Variants in HIF1A observed in about 807,000 individuals in gnomAD.
HIF1A encodes hypoxia inducible factor 1 subunit alpha, also known as hypoxia-inducible factor 1-alpha.
HIF1A carries 24 observed loss-of-function variants against 92.7 expected under a neutral mutation model. The ratio of observed to expected loss-of-function variants is 0.26; its 90% CI spans 0.19 to 0.36. HIF1A has a LOEUF of 0.36. Among genes scored for constraint, HIF1A ranks in the 10% least tolerant of loss-of-function variants. The pLI is 1.00. For missense variants in HIF1A, 799 were observed against 998.5 expected (o/e 0.80, Z 2.69); for synonymous variants, 319 against 338.7 (o/e 0.94, Z 0.64).
Position 61,745,767 on chromosome 14 carries a change from C to G in HIF1A, c.2279C>G (p.Ser760Cys). The part of the protein sequence containing the change: ...LSWKRVKGCK[S>C]SEQNGMEQKT... ...TGGAAACGTGTAAAAGGATGCAAAT[C>G]TAGTGAACAGAATGGAATGGAGCAA... The change falls in exon 14 of 15, where the codon TCT becomes TGT. Residue 760 changes from serine to cysteine, a missense_variant. This residue lies in a region of HIF1A where 283 missense variants were observed against 277.5 expected (regional missense o/e 1.02). Transcript: ENST00000337138. 6.2e-7 allele frequency: 1 copy of G among 1,611,874 alleles called. No homozygotes were observed. The highest frequency in any genetic ancestry group is 8.5e-7 in the Non-Finnish European group (1 of 1,177,990).
chr14:61,745,057 T>C (rs1475882648), intron 13 of HIF1A, among the ~76,000 whole-genome samples: 1 of 152,162 alleles, frequency 6.6e-6, no homozygotes, highest in African/African-American at 2.4e-5. Context: ...AAAAGTGAAG[T>C]TCTCCCCTTA....
chr14:61,747,122 G>T lies in HIF1A; in HGVS notation c.*37G>T. The T allele has an allele frequency of 1.3e-6, 2 of 1,572,926 alleles. No individual in the cohort carries two copies. Among genetic ancestry groups the T allele is most frequent in the Non-Finnish European group, 1.7e-6 (2 of 1,157,666 alleles). On this transcript the variant is annotated 3_prime_UTR_variant, in exon 15 of 15. Transcript: ENST00000337138. ...ATTTCATTCCTTTTTTTGGACACTG[G>T]TGGCTCATTACCTAAAGCAGTCTAT... is the stretch of plus-strand genomic sequence containing the variant.
At chr14:61,734,368 GA>G (rs1488032939) in intron 8 of HIF1A, 83 bp downstream of exon 8, 2 of 907,228 alleles carry the variant, frequency 2.2e-6, no homozygotes, top group African/African-American at 1.7e-5. Context: ...AGGAAGATAA[GA>G]TAATAAATAT....
rs1435265749 is a variant in HIF1A, at chr14:61,726,707, C to T, written c.459C>T (p.Gly153=). The stretch of plus-strand genomic sequence containing the variant: ...AACTTTATTTCATGCTTTCATTAGG[C>T]CTTGTGAAAAAGGGTAAAGAACAAA... The part of the protein sequence containing the change: ...EMREMLTHRN[G]LVKKGKEQNT... The change falls in exon 5 of 15, where the codon GGC becomes GGT. Residue 153 remains glycine (G), a splice_region_variant and synonymous_variant. Transcript: ENST00000337138. 1.3e-6 allele frequency: 2 copies of T among 1,576,000 alleles called. No individual in the cohort carries two copies. Among genetic ancestry groups the T allele is most frequent in the Non-Finnish European group, 1.7e-6 (2 of 1,159,142 alleles).
Position 61,727,512 on chromosome 14 carries a change from T to G in HIF1A, c.630T>G (p.Cys210Trp), listed in dbSNP as rs1566570665. The G allele has an allele frequency of 1.2e-6, 2 of 1,613,990 alleles. No individual in the cohort carries two copies. The highest frequency in any genetic ancestry group is 1.7e-6 in the Non-Finnish European group (2 of 1,179,918). The stretch of plus-strand genomic sequence containing the variant: ...ATACCAACAGTAACCAACCTCAGTG[T>G]GGGTATAAGAAACCACCTATGACCT... ...VYDTNSNQPQCGYKKPPMTCL... is the reference protein window; with the variant it reads ...VYDTNSNQPQWGYKKPPMTCL... The change falls in exon 6 of 15, where the codon TGT becomes TGG. Residue 210 changes from cysteine (C) to tryptophan (W), a missense_variant. Physicochemically the swap from Cys to Trp is radical, Grantham distance 215 (BLOSUM62 -2). This residue lies in a region of HIF1A where 516 missense variants were observed against 721.0 expected (regional missense o/e 0.72). Coordinates refer to ENST00000337138, the MANE Select transcript of HIF1A (RefSeq NM_001530.4).
chr14:61,723,892 TC>T (rs1005719078), intron 4 of HIF1A, among the ~76,000 whole-genome samples: 3 of 152,218 alleles, frequency 2.0e-5, no homozygotes, highest in Non-Finnish European at 4.4e-5. Flanking sequence ...TTATTGATGT[TC>T]CATTGGGAAA....
In HIF1A at chr14:61,695,756, C is replaced by CATTAAAA; in HGVS notation, c.-49_-48insATTAAAA. 1 of 1,562,090 alleles carries CATTAAAA rather than the reference C, an allele frequency of 6.4e-7. No individual in the cohort carries two copies. The highest frequency in any genetic ancestry group is 1.9e-5 in the Admixed American group (1 of 51,598). On this transcript the variant is annotated 5_prime_UTR_variant, in exon 1 of 15. Transcript: ENST00000337138. The stretch of plus-strand genomic sequence containing the variant: ...GAGGGAGCCAGCGCTTAGGCCGGAG[C>CATTAAAA]GAGCCTGGGGGCCGCCCGCCGTGAA...
intron 1 of HIF1A, among the ~76,000 whole-genome samples, chr14:61,708,560 A>T (rs1355855116): frequency 2.0e-5 from 3 of 152,142 alleles, no homozygotes; most frequent in Non-Finnish European, 2.9e-5. Flanking sequence ...TTAAATAGGG[A>T]ATCCTTTCCC....
rs558983703 is a variant in HIF1A, at chr14:61,700,312, C to T, written c.35+4473C>T. Reference sequence around the variant, plus strand: ...CCATTAAACAACTCCCAATTTCCCCCTCTCCTCAGCCTCTGGCAACCACCA... The same window carrying T: ...CCATTAAACAACTCCCAATTTCCCCTTCTCCTCAGCCTCTGGCAACCACCA... On this transcript the variant is annotated intron_variant, in intron 1 of 14. Transcript: ENST00000337138. 4.6e-5 allele frequency among the ~76,000 whole-genome samples: 7 copies of T among 152,246 alleles called. No homozygotes were observed. The East Asian group carries it at 1.2e-3, about 25-fold the overall frequency.
chr14:61,739,153 C>T (rs1247556467), intron 10 of HIF1A, among the ~76,000 whole-genome samples: 3 of 152,086 alleles, frequency 2.0e-5, no homozygotes, highest in African/African-American at 7.2e-5. Context: ...GTCTAATTTC[C>T]ATCACTATTT....
intron 10 of HIF1A, among the ~76,000 whole-genome samples, chr14:61,739,435 G>C (rs549964700): frequency 6.6e-6 from 1 of 152,190 alleles, no homozygotes; most frequent in South Asian, 2.1e-4. Context: ...TGATAAATGA[G>C]GCATAAATAA....
intron 1 of HIF1A, among the ~76,000 whole-genome samples, chr14:61,707,796 A>G (rs1456531128): frequency 1.3e-5 from 2 of 151,078 alleles, no homozygotes; most frequent in African/African-American, 4.9e-5. Context: ...TAGCAGCATG[A>G]TTTATAATCC....
At chr14:61,707,997 T>C (rs2044261225) in intron 1 of HIF1A, among the ~76,000 whole-genome samples, 1 of 151,580 alleles carries the variant, frequency 6.6e-6, no homozygotes, top group African/African-American at 2.4e-5. Flanking sequence ...ATGATCGCCA[T>C]TCTAACTGGT....
chr14:61,717,918 G>A (rs2044381852), intron 1 of HIF1A, among the ~76,000 whole-genome samples: 1 of 151,852 alleles, frequency 6.6e-6, no homozygotes, highest in African/African-American at 2.4e-5. Flanking sequence ...CTACTCAGGA[G>A]GCTGAGGCAG....
In HIF1A at chr14:61,697,140, A is replaced by G. The variant is rs536339995; in HGVS notation, c.35+1301A>G. ...TCCCTAATCAGTATCAGCAGAAGAT[A>G]AACTTGTTTATATTCCTGCTGTTTT... is the stretch of plus-strand genomic sequence containing the variant. On this transcript the variant is annotated intron_variant, in intron 1 of 14. Transcript: ENST00000337138. Among the ~76,000 whole-genome samples the G allele has an allele frequency of 5.3e-5, 8 of 152,352 alleles. No individual in the cohort carries two copies. The South Asian group carries it at 1.2e-3, about 24-fold the overall frequency.
intron 2 of HIF1A, 129 bp from the exon 3 acceptor site, chr14:61,721,380 T>C: frequency 3.0e-6 from 2 of 670,452 alleles, no homozygotes; most frequent in Non-Finnish European, 4.9e-6. Context: ...CCTGCACTTT[T>C]CTGTGTTGAA....
intron 10 of HIF1A, among the ~76,000 whole-genome samples, chr14:61,739,252 T>A (rs370079389): frequency 6.6e-6 from 1 of 152,240 alleles, no homozygotes; most frequent in African/African-American, 2.4e-5. Context: ...TGGATCTGTC[T>A]TGATATTAAT....
At chr14:61,724,667 C>G (rs542761619) in intron 4 of HIF1A, among the ~76,000 whole-genome samples, 1 of 152,140 alleles carries the variant, frequency 6.6e-6, no homozygotes, top group South Asian at 2.1e-4. Flanking sequence ...TTTCAATATA[C>G]TAGCATTACA....
At chr14:61,709,770 G>A (rs1245282921) in intron 1 of HIF1A, among the ~76,000 whole-genome samples, 1 of 152,120 alleles carries the variant, frequency 6.6e-6, no homozygotes, top group Non-Finnish European at 1.5e-5. Context: ...AGGTTAGCAT[G>A]AGAAACTGAA....
Sources: gnomAD v4.1 joint callset for allele counts (sites outside exome capture counted in the v4.1 genomes callset) on GRCh38, gnomAD v4.1.1 for gene constraint, gnomAD v4.1.1 regional missense constraint, MANE v1.5 for transcripts, NCBI Gene and HGNC (gene_info 2026-07-23, HGNC 2026-07-21) for gene names.